ROS1: variants seen among roughly 807,000 people sequenced by gnomAD.
ROS1 encodes proto-oncogene tyrosine-protein kinase ROS.
A neutral mutation model predicts 273.5 loss-of-function variants in ROS1; 263 were observed. The ratio of observed to expected loss-of-function variants is 0.96; its 90% CI spans 0.87 to 1.06. ROS1 has a LOEUF of 1.06. ROS1 is among the 50% of genes least tolerant of loss of function. The pLI is 0.00. For missense variants in ROS1, 2,833 were observed against 2,751.1 expected (o/e 1.03, Z -0.67); for synonymous variants, 1,008 against 954.1 (o/e 1.06, Z -1.04).
intron 17 of ROS1, among the ~76,000 whole-genome samples, chr6:117,380,402 C>T (rs762952108): frequency 1.5e-4 from 23 of 152,016 alleles, no homozygotes; most frequent in Non-Finnish European, 2.1e-4. Context: ...AAAATTCAAC[C>T]AACTTATTCT....
chr6:117,343,119 A>G (rs965012882), intron 28 of ROS1, among the ~76,000 whole-genome samples: 3 of 151,992 alleles, frequency 2.0e-5, no homozygotes, highest in Admixed American at 1.3e-4. Flanking sequence ...TGTGCCGCCA[A>G]GGTTGAGAAC....
chr6:117,299,326 T>A (rs960481297), intron 43 of ROS1: 6 of 152,236 alleles, frequency 3.9e-5, no homozygotes, highest in Admixed American at 1.3e-4. Context: ...CTTGTTTTTA[T>A]CTGCTATTAG....
chr6:117,377,205 G>C (rs984208889), intron 18 of ROS1, among the ~76,000 whole-genome samples: 2 of 152,090 alleles, frequency 1.3e-5, no homozygotes, highest in Non-Finnish European at 2.9e-5. Context: ...CTGCCTCCCC[G>C]GTTCAATTGA....
intron 20 of ROS1, 66 bp downstream of exon 20, chr6:117,365,514 TG>T: frequency 7.4e-7 from 1 of 1,349,922 alleles, no homozygotes; most frequent in Non-Finnish European, 1.1e-6. Flanking sequence ...CAGGTCAGTG[TG>T]GGCAAGGCTG....
chr6:117,345,684 C>A (rs1310899303), intron 27 of ROS1, among the ~76,000 whole-genome samples: 1 of 152,166 alleles, frequency 6.6e-6, no homozygotes, highest in African/African-American at 2.4e-5. Flanking sequence ...CCTTCACTTG[C>A]TAACTTTTTT....
chr6:117,425,573 T>C lies in ROS1; in HGVS notation c.84A>G (p.Thr28=), dbSNP rs1776077093. ...ACGACTTTAGGCAGCTATTTAAAACTGTACACTGCACCACAGAAATCCATA... is the reference window on the plus strand; with the variant it reads ...ACGACTTTAGGCAGCTATTTAAAACCGTACACTGCACCACAGAAATCCATA... ...GCLWISVVQC[T]VLNSCLKSCV... Residue 28 remains threonine (T), a synonymous_variant, in exon 1 of 44, where the codon ACA becomes ACG. Coordinates refer to ENST00000368507, the MANE Select transcript of ROS1 (RefSeq NM_001378902.1). 2 of 1,610,114 alleles carry C rather than the reference T, an allele frequency of 1.2e-6. No individual in the cohort carries two copies. Among genetic ancestry groups the C allele is most frequent in the Non-Finnish European group, 1.7e-6 (2 of 1,178,724 alleles).
intron 39 of ROS1, among the ~76,000 whole-genome samples, chr6:117,315,841 G>C (rs1392169340): frequency 6.6e-6 from 1 of 152,022 alleles, no homozygotes; most frequent in African/African-American, 2.4e-5. Context: ...ACTGCTTCCA[G>C]GAAGGAAGTG....
intron 29 of ROS1, among the ~76,000 whole-genome samples, chr6:117,341,975 C>T (rs1777968386): frequency 6.6e-6 from 1 of 152,094 alleles, no homozygotes; most frequent in Non-Finnish European, 1.5e-5. Flanking sequence ...CTTAGAAAAC[C>T]TTTTCAGACC....
intron 36 of ROS1, among the ~76,000 whole-genome samples, 195 bp from the exon 37 acceptor site, chr6:117,320,225 C>T (rs1309320500): frequency 6.6e-6 from 1 of 152,030 alleles, no homozygotes; most frequent in Non-Finnish European, 1.5e-5. Context: ...CAACCTTTTA[C>T]CCAGACAGAG....
intron 18 of ROS1, among the ~76,000 whole-genome samples, chr6:117,372,395 A>T (rs1277785695): frequency 6.6e-6 from 1 of 152,248 alleles, no homozygotes; most frequent in East Asian, 1.9e-4. Flanking sequence ...TTAATTCAGT[A>T]AACTTTCAGA....
intron 9 of ROS1, among the ~76,000 whole-genome samples, chr6:117,395,321 C>T (rs1475550554): frequency 1.3e-5 from 2 of 152,094 alleles, no homozygotes; most frequent in African/African-American, 2.4e-5. Flanking sequence ...CAACCTTAAC[C>T]CTGCTCTATA....
At chr6:117,332,647 C>A (rs1777167405) in intron 32 of ROS1, among the ~76,000 whole-genome samples, 1 of 152,180 alleles carries the variant, frequency 6.6e-6, no homozygotes, top group Non-Finnish European at 1.5e-5. Context: ...CAAACAGTCT[C>A]TCAGACCACA....
intron 38 of ROS1, 31 bp downstream of exon 38, chr6:117,318,157 C>T (rs2128556734): frequency 6.4e-7 from 1 of 1,564,568 alleles, no homozygotes; most frequent in East Asian, 2.2e-5. Context: ...AACTTCTTAC[C>T]CATACCAGGA....
chr6:117,406,222 G>GTTTA (rs777253400), intron 5 of ROS1, among the ~76,000 whole-genome samples: 4 of 150,568 alleles, frequency 2.7e-5, no homozygotes, highest in Non-Finnish European at 4.4e-5. Context: ...AAATATATAT[G>GTTTA]TTTATTTATT....
At chr6:117,322,756 G>T (rs537651631) in intron 35 of ROS1, among the ~76,000 whole-genome samples, 12 of 152,190 alleles carry the variant, frequency 7.9e-5, no homozygotes, top group Non-Finnish European at 1.6e-4. Context: ...GCACACACAC[G>T]CTCTTACTAG....
intron 1 of ROS1, among the ~76,000 whole-genome samples, chr6:117,421,149 T>A (rs1346331733): frequency 1.3e-5 from 2 of 148,980 alleles, no homozygotes; most frequent in Non-Finnish European, 3.0e-5. Flanking sequence ...CACATGCTTT[T>A]TAGCCATTTT....
At chr6:117,328,051 G>T (rs1348805976) in intron 33 of ROS1, among the ~76,000 whole-genome samples, 7 of 152,210 alleles carry the variant, frequency 4.6e-5, no homozygotes, top group Non-Finnish European at 2.9e-5. Flanking sequence ...AATGTCTACT[G>T]TTTCAAGCCA....
chr6:117,387,969 TCCAGTTCTG>T lies in ROS1; in HGVS notation c.1801_1809del (p.Gln601_Trp603del), dbSNP rs748934319. On this transcript the variant is annotated inframe_deletion, in exon 14 of 44. Transcript: ENST00000368507. ...TGGGTGGATACTTTCACCTCATAGGTCCAGTTCTGCCAGGCAGAAGGGCCTAATTCAAAG... is the reference window on the plus strand; with the variant it reads ...TGGGTGGATACTTTCACCTCATAGGTCCAGGCAGAAGGGCCTAATTCAAAG... 37 of 1,614,032 alleles carry T rather than the reference TCCAGTTCTG, an allele frequency of 2.3e-5. No individual in the cohort carries two copies. The highest frequency in any genetic ancestry group is 5.0e-5 in the Admixed American group (3 of 60,004).
intron 9 of ROS1, among the ~76,000 whole-genome samples, 173 bp downstream of exon 9, chr6:117,396,015 A>T (rs2082273570): frequency 6.6e-6 from 1 of 152,144 alleles, no homozygotes; most frequent in South Asian, 2.1e-4. Flanking sequence ...TTAATTCATC[A>T]AATACTTAGG....
Sources: gnomAD v4.1 joint callset for allele counts (sites outside exome capture counted in the v4.1 genomes callset) on GRCh38, gnomAD v4.1.1 for gene constraint, MANE v1.5 for transcripts, NCBI Gene and HGNC (gene_info 2026-07-23, HGNC 2026-07-21) for gene names.